PXN: variants seen among roughly 807,000 people sequenced by gnomAD.
The protein encoded by PXN is paxillin.
Under a neutral mutation model 103.6 loss-of-function variants are expected in PXN, and 61 were observed. The ratio of observed to expected loss-of-function variants is 0.59; its 90% CI spans 0.48 to 0.73. The LOEUF is 0.73. PXN is among the 30% of genes least tolerant of loss of function. The pLI is 0.00. For missense variants in PXN, 1,274 were observed against 1,460.3 expected (o/e 0.87, Z 2.08); for synonymous variants, 562 against 607.8 (o/e 0.92, Z 1.11).
Position 120,265,494 on chromosome 12 carries a change from A to G in PXN, c.13+123T>C. ...CCCCGCGGAGCCCCGGCCGGCAGGG[A>G]CAGGAGCTGAGGCCGGGGCCGCCGA... On this transcript the variant is annotated intron_variant, in intron 1 of 14. Transcript: ENST00000637617. This position sits in a 1 kb window ranked among gnomAD's most constrained non-coding sequence, Gnocchi z 5.7. 1.7e-6 allele frequency: 2 copies of G among 1,146,118 alleles called. No individual in the cohort carries two copies. The highest frequency in any genetic ancestry group is 3.5e-5 in the South Asian group (2 of 57,202). The allele number at this position is 1,146,118 out of a possible 1,614,324, so 71.0% of individuals were successfully genotyped here.
intron 1 of PXN, among the ~76,000 whole-genome samples, chr12:120,238,386 G>C (rs909601629): frequency 3.3e-5 from 5 of 152,174 alleles, no homozygotes; most frequent in Admixed American, 3.3e-4. Context: ...GCCTGTGCCC[G>C]GGGGTTCATG....
At chr12:120,242,439 C>G (rs1258229163) in intron 1 of PXN, among the ~76,000 whole-genome samples, 1 of 152,050 alleles carries the variant, frequency 6.6e-6, no homozygotes. Context: ...ATCAGAGGAA[C>G]CAGATCCTTC....
At chr12:120,244,429 G>A (rs1890689751) in intron 1 of PXN, among the ~76,000 whole-genome samples, 2 of 151,634 alleles carry the variant, frequency 1.3e-5, no homozygotes, top group South Asian at 2.1e-4. Context: ...GGCGGATCAC[G>A]AGGTCAGGAG....
intron 1 of PXN, among the ~76,000 whole-genome samples, chr12:120,261,457 C>T (rs968106133): frequency 3.3e-5 from 5 of 152,164 alleles, no homozygotes; most frequent in Non-Finnish European, 7.4e-5. Flanking sequence ...TCCCAAAGTG[C>T]TGGGATTACA....
At chr12:120,250,395 T>C (rs888518687) in intron 1 of PXN, among the ~76,000 whole-genome samples, 5 of 152,048 alleles carry the variant, frequency 3.3e-5, no homozygotes, top group Non-Finnish European at 7.4e-5. Flanking sequence ...AACCACCAAG[T>C]TCACAGTCCA....
chr12:120,221,734 G>A lies in PXN; in HGVS notation c.720C>T (p.Gly240=), dbSNP rs762562193. ...TGACGCGCTGCGGGCTGCTCATCTC[G>A]CCCTGGTTCACAGTGATGGCAGGGC... ...SPVPAITVNQ[G]EMSSPQRVTS... Residue 240 remains glycine (G), a synonymous_variant, in exon 6 of 15, where the codon GGC becomes GGT. Transcript: ENST00000637617. This position sits in a 1 kb window ranked among gnomAD's most constrained non-coding sequence, Gnocchi z 6.6. 5.7e-6 allele frequency: 9 copies of A among 1,573,162 alleles called. No homozygotes were observed. The highest frequency in any genetic ancestry group is 5.5e-5 in the Admixed American group (3 of 54,204).
intron 1 of PXN, among the ~76,000 whole-genome samples, chr12:120,231,219 T>C (rs1887981526): frequency 6.6e-6 from 1 of 152,202 alleles, no homozygotes; most frequent in South Asian, 2.1e-4. Flanking sequence ...CCTAGTAGCA[T>C]GCTCTGAGGA....
chr12:120,234,430 CAG>C (rs1319326924), intron 1 of PXN, among the ~76,000 whole-genome samples: 7 of 152,078 alleles, frequency 4.6e-5, no homozygotes, highest in Middle Eastern at 3.4e-3. Flanking sequence ...ACAAAAAAAA[CAG>C]ATAAGATTTT....
rs1355786907 is a variant in PXN at position 120,213,631 on chromosome 12, CAT to C, written c.2979+209_2979+210del. The stretch of plus-strand genomic sequence containing the variant: ...CGCTGCACAGGGCTGGACTGGGGGA[CAT>C]GTCTACCTTGCTCCTGGTTTGTCCC... On this transcript the variant is annotated intron_variant, in intron 14 of 14. Transcript: ENST00000637617. This position sits in a 1 kb window ranked among gnomAD's most constrained non-coding sequence, Gnocchi z 4.2. 6.6e-6 allele frequency among the ~76,000 whole-genome samples: 1 copy of C among 152,228 alleles called. No individual in the cohort carries two copies. Among genetic ancestry groups the C allele is most frequent in the Non-Finnish European group, 1.5e-5 (1 of 68,042 alleles).
At chr12:120,261,504 T>C (rs1893880122) in intron 1 of PXN, among the ~76,000 whole-genome samples, 1 of 152,094 alleles carries the variant, frequency 6.6e-6, no homozygotes, top group Non-Finnish European at 1.5e-5. Context: ...TTTGTTATTA[T>C]TAATGAAGGC....
rs1894466472 is a variant in PXN, at chr12:120,265,042, A to T, written c.13+575T>A. 6.6e-6 allele frequency among the ~76,000 whole-genome samples: 1 copy of T among 151,888 alleles called. No individual in the cohort carries two copies. The highest frequency in any genetic ancestry group is 2.1e-4 in the South Asian group (1 of 4,814). On this transcript the variant is annotated intron_variant, in intron 1 of 14. Transcript: ENST00000637617. This position sits in a 1 kb window ranked among gnomAD's most constrained non-coding sequence, Gnocchi z 5.7. Reference sequence around the variant, plus strand: ...TCACACGCTCATCTCTAGCTTTTGCATCTGACTTGTGAAATGAAAGGGGTG... The same window carrying T: ...TCACACGCTCATCTCTAGCTTTTGCTTCTGACTTGTGAAATGAAAGGGGTG...
At chr12:120,262,718 C>T (rs564908712) in intron 1 of PXN, among the ~76,000 whole-genome samples, 1 of 152,244 alleles carries the variant, frequency 6.6e-6, no homozygotes, top group South Asian at 2.1e-4. Context: ...AGCAAGCAAT[C>T]GGGTTAGAAA....
At chr12:120,241,565 T>A (rs1052394516) in intron 1 of PXN, among the ~76,000 whole-genome samples, 1 of 152,118 alleles carries the variant, frequency 6.6e-6, no homozygotes, top group African/African-American at 2.4e-5. Flanking sequence ...AAATATACAA[T>A]GCCTGTCTCC....
intron 1 of PXN, among the ~76,000 whole-genome samples, chr12:120,234,656 T>A (rs998891767): frequency 6.6e-6 from 1 of 152,026 alleles, no homozygotes; most frequent in African/African-American, 2.4e-5. Context: ...GTGAGGAGGA[T>A]GGGTTCAAAT....
chr12:120,239,036 T>C (rs1889665535), intron 1 of PXN, among the ~76,000 whole-genome samples: 1 of 152,130 alleles, frequency 6.6e-6, no homozygotes, highest in African/African-American at 2.4e-5. Context: ...CTGCTCCTTC[T>C]CCTCCTGCCC....
chr12:120,223,676 C>T (rs1338639382), intron 3 of PXN, 42 bp downstream of exon 3: 2 of 1,461,670 alleles, frequency 1.4e-6, no homozygotes, highest in East Asian at 4.9e-5. Context: ...CCTGAGATTT[C>T]TAAGCAGGAG....
rs570219887 is a variant in PXN at position 120,252,336 on chromosome 12, C to G, written c.13+13281G>C. On this transcript the variant is annotated intron_variant, in intron 1 of 14. Coordinates refer to ENST00000637617, the MANE Select transcript of PXN (RefSeq NM_001385981.1). ...AGAGCTTACGGGGCAGAGCGGGAGA[C>G]AGAAGAAAGCCTAATTTACACAGAT... Among the ~76,000 whole-genome samples, 17 of 152,212 alleles carry G rather than the reference C, an allele frequency of 1.1e-4. No homozygotes were observed. The South Asian group carries it at 1.2e-3, about 11-fold the overall frequency.
At chr12:120,245,787 CA>C (rs1267541953) in intron 1 of PXN, among the ~76,000 whole-genome samples, 864 of 45,160 alleles carry the variant, frequency 0.019, 9 homozygotes, top group Admixed American at 0.078. Context: ...GACTCCATCT[CA>C]AAAAAAAAAA....
chr12:120,219,395 C>A lies in PXN; in HGVS notation c.1528G>T (p.Glu510Ter), dbSNP rs745554333. The part of the protein sequence containing the change: ...GSSSPASVTT[E>*]QLGAKMTERG... ...TCGGTCATCTTTGCACCTAGCTGCT[C>A]CGTGGTAACTGAGGCAGGGGAGCTG... is the stretch of plus-strand genomic sequence containing the variant. Residue 510 changes from glutamate (E) to a stop codon, truncating the protein, a stop_gained, in exon 7 of 15, where the codon GAG becomes TAG. Coordinates refer to ENST00000637617, the MANE Select transcript of PXN (RefSeq NM_001385981.1). LOFTEE classifies it high-confidence loss of function. The surrounding 1 kb of genome is among the most constrained non-coding windows in gnomAD (Gnocchi z 6.5). The A allele has an allele frequency of 2.3e-5, 36 of 1,598,320 alleles. No homozygotes were observed. Among genetic ancestry groups the A allele is most frequent in the Non-Finnish European group, 3.1e-5 (36 of 1,179,792 alleles).
Sources: allele counts gnomAD v4.1 joint callset (sites outside exome capture counted in the v4.1 genomes callset), GRCh38; gene constraint gnomAD v4.1.1; non-coding constraint Gnocchi (gnomAD v3.1); transcripts MANE v1.5; gene names NCBI Gene and HGNC (gene_info 2026-07-23, HGNC 2026-07-21).